MYO1B: variants seen among roughly 807,000 people sequenced by gnomAD.
MYO1B encodes myosin IB.
MYO1B carries 72 observed loss-of-function variants against 159.7 expected under a neutral mutation model. That is an observed-to-expected ratio of 0.45 (90% CI 0.37 to 0.55). The LOEUF is 0.55. MYO1B is among the 20% of genes least tolerant of loss of function. The pLI is 0.00. For synonymous variants in MYO1B, 468 were observed against 473.8 expected (o/e 0.99, Z 0.16); for missense variants, 1,062 against 1,364.8 (o/e 0.78, Z 3.50).
chr2:191,310,128 C>A (rs760062830), intron 3 of MYO1B, among the ~76,000 whole-genome samples: 1 of 152,160 alleles, frequency 6.6e-6, no homozygotes, highest in Non-Finnish European at 1.5e-5. Context: ...AGTATACTTA[C>A]AAGGAACAAG....
chr2:191,387,316 C>T lies in MYO1B; in HGVS notation c.1647C>T (p.Leu549=). Residue 549 remains leucine, a synonymous_variant, in exon 17 of 31, where the codon CTC becomes CTT. Transcript: ENST00000392318. ...SQAMWKASHA[L]IKSLFPEGNP... ...CCATGTGGAAGGCCAGCCATGCCCT[C>T]ATCAAGTCTTTGTTCCCCGAAGGGA... 6.2e-7 allele frequency: 1 copy of T among 1,614,210 alleles called. No homozygotes were observed. Among genetic ancestry groups the T allele is most frequent in the Non-Finnish European group, 8.5e-7 (1 of 1,180,038 alleles).
Position 191,409,055 on chromosome 2 carries a change from C to G in MYO1B, c.2643C>G (p.Tyr881Ter). The change falls in exon 26 of 31, where the codon TAC becomes TAG. Residue 881 changes from tyrosine (Y) to a stop codon, truncating the protein, a stop_gained. Transcript: ENST00000392318. LOFTEE classifies it high-confidence loss of function. The part of the protein sequence containing the change: ...EFTLQRIVQK[Y>*]FLEMKNKMPS... ...TCAACCCAACACAGGTGCAAAAATACTTCTTGGAAATGAAAAATAAGATGC... is the reference window on the plus strand; with the variant it reads ...TCAACCCAACACAGGTGCAAAAATAGTTCTTGGAAATGAAAAATAAGATGC... 1 of 1,609,524 alleles carries G rather than the reference C, an allele frequency of 6.2e-7. No individual in the cohort carries two copies. The highest frequency in any genetic ancestry group is 8.5e-7 in the Non-Finnish European group (1 of 1,178,832).
At chr2:191,282,738 A>G (rs1688138823) in intron 2 of MYO1B, among the ~76,000 whole-genome samples, 1 of 152,186 alleles carries the variant, frequency 6.6e-6, no homozygotes, top group Non-Finnish European at 1.5e-5. Flanking sequence ...TACCCAGGTA[A>G]TCCAGACCCA....
In MYO1B at chr2:191,385,988, C is replaced by T. The variant is rs576517616; in HGVS notation, c.1458C>T (p.His486=). The T allele has an allele frequency of 1.2e-6, 2 of 1,614,120 alleles. No individual in the cohort carries two copies. Among genetic ancestry groups the T allele is most frequent in the South Asian group, 1.1e-5 (1 of 91,074 alleles). ...AGCTGAACCAAGTATGTGCCACCCACCAGCATTTTGAGAGCAGGATGAGCA... is the reference window on the plus strand; with the variant it reads ...AGCTGAACCAAGTATGTGCCACCCATCAGCATTTTGAGAGCAGGATGAGCA... The part of the protein sequence containing the change: ...LEKLNQVCAT[H]QHFESRMSKC... Residue 486 remains histidine (H), a synonymous_variant, in exon 16 of 31, where the codon CAC becomes CAT. Transcript: ENST00000392318.
At position 191,322,878 on chromosome 2, in the gene MYO1B, T is replaced by G. The variant is rs143135221; in HGVS notation, c.252-7057T>G. 1.9e-3 allele frequency among the ~76,000 whole-genome samples: 294 copies of G among 152,228 alleles called. 1 individual carries two copies. Among genetic ancestry groups the G allele is most frequent in the African/African-American group, 6.8e-3 (283 of 41,536 alleles). On this transcript the variant is annotated intron_variant, in intron 3 of 30. Coordinates refer to ENST00000392318, the MANE Select transcript of MYO1B (RefSeq NM_001130158.3). ...CAGAGTAAAGTGACAAACAAGTTTATTAGAGAATCAGAGGAACAAAAGAAT... is the reference window on the plus strand; with the variant it reads ...CAGAGTAAAGTGACAAACAAGTTTAGTAGAGAATCAGAGGAACAAAAGAAT...
At chr2:191,370,109 T>C (rs1246994597) in intron 12 of MYO1B, 118 bp from the exon 13 acceptor site, 1 of 681,594 alleles carries the variant, frequency 1.5e-6, no homozygotes, top group Non-Finnish European at 2.4e-6. Context: ...ACAACTAAAT[T>C]AGTTATTTTC....
Position 191,414,169 on chromosome 2 carries a change from G to T in MYO1B, c.2995G>T (p.Ala999Ser), listed in dbSNP as rs1202351517. 1 of 1,611,188 alleles carries T rather than the reference G, an allele frequency of 6.2e-7. No homozygotes were observed. Among genetic ancestry groups the T allele is most frequent in the African/African-American group, 1.3e-5 (1 of 74,764 alleles). ...IAEVVNKINRANGKSTSRIFL... is the reference protein window; with the variant it reads ...IAEVVNKINRSNGKSTSRIFL... ...TGAAGTCGTGAACAAAATTAACCGT[G>T]CTAATGGGAAGGTAAAAATGCTAAC... The change falls in exon 28 of 31, where the codon GCT (alanine) becomes TCT (serine). Residue 999 changes from alanine to serine, a missense_variant. Ala to Ser is a moderately conservative substitution (Grantham distance 99). Around this residue, in one of 5 missense-constraint regions of MYO1B, gnomAD observed 609 missense variants for 744.4 expected, o/e 0.82. Transcript: ENST00000392318.
intron 4 of MYO1B, 106 bp downstream of exon 4, chr2:191,330,135 T>C (rs990400587): frequency 8.1e-6 from 7 of 865,368 alleles, no homozygotes; most frequent in Middle Eastern, 2.4e-4. Flanking sequence ...GCAGGGCCAC[T>C]GTGAGGGTGC....
intron 7 of MYO1B, 168 bp downstream of exon 7, chr2:191,350,393 T>G (rs943658612): frequency 2.2e-6 from 1 of 445,640 alleles, no homozygotes; most frequent in African/African-American, 2.0e-5. Flanking sequence ...AGAATGTAAT[T>G]TATAAATCTT....
intron 26 of MYO1B, among the ~76,000 whole-genome samples, chr2:191,409,779 G>A (rs1190288083): frequency 6.6e-6 from 1 of 152,176 alleles, no homozygotes; most frequent in Non-Finnish European, 1.5e-5. Context: ...TAATTTAGAT[G>A]TTGCCCAGCA....
chr2:191,396,576 T>G (rs1696086306), intron 21 of MYO1B, 79 bp downstream of exon 21: 1 of 1,402,140 alleles, frequency 7.1e-7, no homozygotes, highest in Non-Finnish European at 1.0e-6. Context: ...AGGGTCACCC[T>G]GCAGAGGAGG....
chr2:191,303,875 C>G (rs190121177), intron 3 of MYO1B, among the ~76,000 whole-genome samples: 1 of 152,172 alleles, frequency 6.6e-6, no homozygotes, highest in African/African-American at 2.4e-5. Context: ...TTTGTTTGCT[C>G]TCCAGTTTAG....
intron 8 of MYO1B, among the ~76,000 whole-genome samples, chr2:191,361,170 C>T (rs1693648103): frequency 1.3e-5 from 2 of 152,154 alleles, no homozygotes; most frequent in African/African-American, 4.8e-5. Context: ...GCAGCTAGAA[C>T]TGCCTCAGTC....
intron 27 of MYO1B, among the ~76,000 whole-genome samples, chr2:191,412,497 C>T (rs1697308179): frequency 6.6e-6 from 1 of 152,206 alleles, no homozygotes; most frequent in South Asian, 2.1e-4. Flanking sequence ...GGCACACTCA[C>T]CCCACAGCAG....
chr2:191,400,159 G>A (rs981850905), intron 21 of MYO1B, among the ~76,000 whole-genome samples: 1 of 152,154 alleles, frequency 6.6e-6, no homozygotes, highest in Non-Finnish European at 1.5e-5. Context: ...CAGGGTACGG[G>A]AGGCTGCTGT....
At position 191,291,892 on chromosome 2, in the gene MYO1B, A is replaced by G. The variant is rs908364043; in HGVS notation, c.136-4219A>G. 2.0e-5 allele frequency among the ~76,000 whole-genome samples: 3 copies of G among 152,224 alleles called. No individual in the cohort carries two copies. The South Asian group carries it at 6.2e-4, about 32-fold the overall frequency. ...ATTGGTAGCTACCTAAAACTAGAGT[A>G]GAAATGTTAAACCCCACCCAGCAAT... On this transcript the variant is annotated intron_variant, in intron 2 of 30. Transcript: ENST00000392318.
At chr2:191,317,726 T>C (rs1311262187) in intron 3 of MYO1B, among the ~76,000 whole-genome samples, 2 of 152,182 alleles carry the variant, frequency 1.3e-5, no homozygotes, top group Admixed American at 6.5e-5. Context: ...TTAGAGAGAA[T>C]TGCTGAATCC....
intron 3 of MYO1B, among the ~76,000 whole-genome samples, chr2:191,297,202 C>T (rs1477003796): frequency 2.0e-5 from 3 of 152,106 alleles, no homozygotes; most frequent in Non-Finnish European, 4.4e-5. Context: ...AGTTGAGAGC[C>T]TCAGACTTCT....
chr2:191,321,416 T>C (rs1465088945), intron 3 of MYO1B, among the ~76,000 whole-genome samples: 3 of 152,176 alleles, frequency 2.0e-5, no homozygotes, highest in Non-Finnish European at 4.4e-5. Context: ...GTTGGGAATT[T>C]GTTTAAAGTG....
Sources: allele counts gnomAD v4.1 joint callset (sites outside exome capture counted in the v4.1 genomes callset), GRCh38; gene constraint gnomAD v4.1.1; regional missense constraint gnomAD v4.1.1; transcripts MANE v1.5; gene names NCBI Gene and HGNC (gene_info 2026-07-23, HGNC 2026-07-21).